EML6: variants seen among roughly 807,000 people sequenced by gnomAD.
EML6 encodes EMAP like 6.
EML6 carries 154 observed loss-of-function variants against 240.1 expected under a neutral mutation model. That is an observed-to-expected ratio of 0.64 (90% CI 0.56 to 0.73). EML6 has a LOEUF of 0.73. EML6 is among the 30% of genes least tolerant of loss of function. The pLI, the probability that EML6 is intolerant of heterozygous loss-of-function variation, is 0.00. For missense variants in EML6, 2,964 were observed against 2,474.6 expected (o/e 1.20, Z -4.20); for synonymous variants, 1,148 against 899.0 (o/e 1.28, Z -4.95).
chr2:54,903,334 A>G, intron 23 of EML6, 37 bp from the exon 24 acceptor site: 1 of 1,544,330 alleles, frequency 6.5e-7, no homozygotes, highest in South Asian at 1.2e-5. Context: ...TTCCTATATA[A>G]AATGCTTCGA....
At chr2:54,890,764 A>C (rs1432492992) in intron 17 of EML6, among the ~76,000 whole-genome samples, 1 of 152,180 alleles carries the variant, frequency 6.6e-6, no homozygotes, top group Non-Finnish European at 1.5e-5. Context: ...GGTGGCATTA[A>C]TTTTATCTTA....
At chr2:54,788,209 A>G (rs182960282) in intron 2 of EML6, among the ~76,000 whole-genome samples, 2 of 152,362 alleles carry the variant, frequency 1.3e-5, no homozygotes, top group East Asian at 3.9e-4. Context: ...CTGGTTGAGC[A>G]CATAGGTTCC....
intron 26 of EML6, among the ~76,000 whole-genome samples, chr2:54,926,559 G>A (rs560283913): frequency 1.4e-4 from 21 of 152,350 alleles, no homozygotes; most frequent in African/African-American, 4.1e-4. Context: ...TCTTGAGGAC[G>A]TTTCCTCCGT....
At chr2:54,816,080 A>T (rs1375450824) in intron 3 of EML6, among the ~76,000 whole-genome samples, 1 of 152,240 alleles carries the variant, frequency 6.6e-6, no homozygotes, top group African/African-American at 2.4e-5. Flanking sequence ...ATCTACTTAT[A>T]GTTCAGATTT....
At chr2:54,930,863 T>C (rs867942448) in intron 28 of EML6, among the ~76,000 whole-genome samples, 57 of 150,158 alleles carry the variant, frequency 3.8e-4, no homozygotes, top group African/African-American at 1.3e-3. Flanking sequence ...TGGGGGCAAA[T>C]CACAATCAGA....
intron 2 of EML6, among the ~76,000 whole-genome samples, chr2:54,726,348 T>C (rs988264449): frequency 2.0e-5 from 3 of 152,230 alleles, no homozygotes; most frequent in African/African-American, 7.2e-5. Flanking sequence ...ATAAATGAAG[T>C]GATGTCATGT....
At chr2:54,750,927 T>C (rs1404481336) in intron 2 of EML6, among the ~76,000 whole-genome samples, 1 of 152,064 alleles carries the variant, frequency 6.6e-6, no homozygotes, top group Non-Finnish European at 1.5e-5. Flanking sequence ...AAGGGCCAAT[T>C]TTTTTAAAAA....
At chr2:54,761,902 C>G (rs555184389) in intron 2 of EML6, among the ~76,000 whole-genome samples, 2 of 151,902 alleles carry the variant, frequency 1.3e-5, no homozygotes, top group East Asian at 3.9e-4. Context: ...GCATCATTCC[C>G]TTTTACCCTT....
intron 10 of EML6, among the ~76,000 whole-genome samples, chr2:54,851,015 G>A (rs986760277): frequency 8.5e-5 from 13 of 152,298 alleles, no homozygotes; most frequent in Middle Eastern, 3.4e-3. Context: ...TATTATTTAT[G>A]ACCATATACA....
intron 28 of EML6, among the ~76,000 whole-genome samples, chr2:54,934,450 C>G (rs907172674): frequency 1.3e-5 from 2 of 152,056 alleles, no homozygotes; most frequent in African/African-American, 2.4e-5. Flanking sequence ...CCAGGAGACC[C>G]ACATTTCAGG....
chr2:54,839,442 A>G (rs1023275804), intron 7 of EML6, among the ~76,000 whole-genome samples: 1 of 152,224 alleles, frequency 6.6e-6, no homozygotes, highest in African/African-American at 2.4e-5. Context: ...ACAAAAGACA[A>G]TTGATGTGTT....
intron 2 of EML6, among the ~76,000 whole-genome samples, chr2:54,772,050 G>A (rs1227197359): frequency 6.6e-6 from 1 of 152,174 alleles, no homozygotes; most frequent in East Asian, 1.9e-4. Context: ...TTATGCTGCA[G>A]GAACACAGCT....
chr2:54,772,838 G>A (rs917658851), intron 2 of EML6, among the ~76,000 whole-genome samples: 3 of 152,218 alleles, frequency 2.0e-5, no homozygotes, highest in Admixed American at 1.3e-4. Flanking sequence ...ACTGCTGGTC[G>A]ACGAGGGTGA....
intron 2 of EML6, among the ~76,000 whole-genome samples, chr2:54,727,098 G>C (rs568280575): frequency 7.9e-5 from 12 of 152,332 alleles, no homozygotes; most frequent in African/African-American, 2.6e-4. Context: ...TAGCTTGGGT[G>C]GTTAAGGAAA....
chr2:54,857,209 C>A (rs926552140), intron 11 of EML6, among the ~76,000 whole-genome samples: 3 of 152,118 alleles, frequency 2.0e-5, no homozygotes, highest in Non-Finnish European at 4.4e-5. Context: ...TCCGGGTGGA[C>A]GTGGCACAGA....
intron 16 of EML6, among the ~76,000 whole-genome samples, chr2:54,872,469 T>C (rs554350610): frequency 6.6e-6 from 1 of 152,296 alleles, no homozygotes; most frequent in East Asian, 1.9e-4. Context: ...CCTCACTCTT[T>C]CATCTATGCT....
At position 54,844,261 on chromosome 2, in the gene EML6, C is replaced by T. The variant is rs1338872503; in HGVS notation, c.1049+13C>T. On this transcript the variant is annotated intron_variant, in intron 8 of 41. Coordinates refer to ENST00000356458, the MANE Select transcript of EML6 (RefSeq NM_001039753.4). ...ACCGCTCTGTCAGGTGAGGCCCTAC[C>T]GCCGTCACCTCTCTGACTTCTTTGA... The T allele has an allele frequency of 8.8e-5, 136 of 1,546,288 alleles. No individual in the cohort carries two copies. The highest frequency in any genetic ancestry group is 1.7e-4 in the Middle Eastern group (1 of 5,954).
chr2:54,868,316 C>T (rs144748957), intron 14 of EML6: 3 of 152,018 alleles, frequency 2.0e-5, no homozygotes, highest in Non-Finnish European at 4.4e-5. Context: ...CTAATTGTGA[C>T]ATATAATTAT....
At chr2:54,912,019 TA>T (rs1673668212) in intron 25 of EML6, among the ~76,000 whole-genome samples, 1 of 152,160 alleles carries the variant, frequency 6.6e-6, no homozygotes, top group South Asian at 2.1e-4. Flanking sequence ...GAAAAGGAGG[TA>T]AGGGTATGCC....
Sources: allele counts gnomAD v4.1 joint callset (sites outside exome capture counted in the v4.1 genomes callset), GRCh38; gene constraint gnomAD v4.1.1; transcripts MANE v1.5; gene names NCBI Gene and HGNC (gene_info 2026-07-23, HGNC 2026-07-21).